The following DNAJC17 variants were observed in gnomAD, a reference collection of about 807,000 sequenced individuals.
DNAJC17 encodes DnaJ heat shock protein family (Hsp40) member C17, also known as dnaJ homolog subfamily C member 17.
In DNAJC17, 35 loss-of-function variants were observed where a neutral mutation model predicts 48.1. The observed-to-expected ratio is 0.73, with a 90% CI of 0.56 to 0.96. The LOEUF (loss-of-function observed/expected upper bound fraction) is 0.96, where lower values mean the gene tolerates loss of function less well. DNAJC17 is among the 50% of genes least tolerant of loss of function. The pLI is 0.00. For synonymous variants in DNAJC17, 117 were observed against 142.7 expected, an observed-to-expected ratio of 0.82 and a Z score of 1.28; for missense variants, 355 against 377.1, an observed-to-expected ratio of 0.94 and a Z score of 0.48.
intron 1 of DNAJC17, chr15:40,807,005 A>T (rs1354372235): frequency 1.9e-6 from 1 of 515,386 alleles, no homozygotes; most frequent in Non-Finnish European, 3.5e-6. Flanking sequence ...CCTGCAGAAG[A>T]GACTGAAATG....
chr15:40,799,138 T>C (rs1890011062), intron 1 of DNAJC17, among the ~76,000 whole-genome samples: 1 of 142,934 alleles, frequency 7.0e-6, no homozygotes, highest in Non-Finnish European at 1.5e-5. Context: ...GGCAGGAGAA[T>C]GGTGTGAACC....
intron 1 of DNAJC17, among the ~76,000 whole-genome samples, chr15:40,787,981 C>T (rs182076619): frequency 3.3e-5 from 5 of 152,154 alleles, no homozygotes; most frequent in African/African-American, 4.8e-5. Context: ...GTAAAGAGGC[C>T]GAGGCTGATA....
At chr15:40,772,804 C>G (rs1414014476) in intron 10 of DNAJC17, among the ~76,000 whole-genome samples, 1 of 152,206 alleles carries the variant, frequency 6.6e-6, no homozygotes, top group African/African-American at 2.4e-5. Context: ...AGGAGCCCCA[C>G]AGCCCTAGCC....
intron 1 of DNAJC17, chr15:40,806,948 TCTTA>T (rs775812561): frequency 3.3e-4 from 103 of 309,604 alleles, no homozygotes; most frequent in South Asian, 9.0e-4. Context: ...GGCTTTGAGA[TCTTA>T]CTTTTCTTTC....
rs869145933 is a variant in DNAJC17 at position 40,797,417 on chromosome 15, C to CT, written c.78+9951dup. ...AGTAGGGACTCAAACAGATTTCTTTCTTTTTTTTTTTTTGAGATGGAGTTT... is the reference window on the plus strand; with the variant it reads ...AGTAGGGACTCAAACAGATTTCTTTCTTTTTTTTTTTTTTGAGATGGAGTTT... On this transcript the variant is annotated intron_variant, in intron 1 of 10. Coordinates refer to ENST00000220496, the MANE Select transcript of DNAJC17 (RefSeq NM_018163.3). 2.9e-3 allele frequency among the ~76,000 whole-genome samples: 419 copies of CT among 143,660 alleles called. 1 individual carries two copies. The highest frequency in any genetic ancestry group is 6.9e-3 in the South Asian group (31 of 4,502). The allele number at this position is 143,660 out of a possible 152,430, so 94.2% of individuals were successfully genotyped here.
At chr15:40,785,725 T>C (rs1372223698) in intron 1 of DNAJC17, among the ~76,000 whole-genome samples, 1 of 152,172 alleles carries the variant, frequency 6.6e-6, no homozygotes, top group Non-Finnish European at 1.5e-5. Flanking sequence ...TGGACAGGGC[T>C]GGATTTGAGT....
At chr15:40,777,803 A>T (rs187103152) in intron 4 of DNAJC17, among the ~76,000 whole-genome samples, 1 of 152,152 alleles carries the variant, frequency 6.6e-6, no homozygotes, top group East Asian at 1.9e-4. Flanking sequence ...GCTTGCAGCA[A>T]TCTTATTGGG....
In DNAJC17 at chr15:40,774,394, C is replaced by T. The variant is rs769697281; in HGVS notation, c.643G>A (p.Gly215Ser). The change falls in exon 9 of 11, where the codon GGC becomes AGC. Residue 215 changes from glycine to serine, a missense_variant. Around this residue, in one of 3 missense-constraint regions of DNAJC17, gnomAD observed 68 missense variants for 109.5 expected, o/e 0.62. Transcript: ENST00000220496. ...LNLVLSSKKP[G>S]TAVVEFATVK... ...GTTGCAAACTCCACCACAGCAGTGC[C>T]TGGCTTCTTACTGGAAAGCACCAGG... 15 of 1,614,096 alleles carry T rather than the reference C, an allele frequency of 9.3e-6. No homozygotes were observed. In the South Asian group the frequency reaches 1.6e-4, roughly 18 times the overall value.
intron 10 of DNAJC17, chr15:40,772,556 T>C (rs1889180387): frequency 6.4e-6 from 1 of 156,154 alleles, no homozygotes; most frequent in African/African-American, 2.4e-5. Flanking sequence ...TTTCCCTCCA[T>C]CCAGGATCTG....
At chr15:40,781,877 A>G (rs1163946355) in intron 1 of DNAJC17, among the ~76,000 whole-genome samples, 1 of 151,742 alleles carries the variant, frequency 6.6e-6, no homozygotes, top group East Asian at 1.9e-4. Flanking sequence ...AGCCGAGATC[A>G]CACCATTGCA....
intron 1 of DNAJC17, among the ~76,000 whole-genome samples, chr15:40,781,345 C>T (rs2412553): frequency 0.43 from 64,016 of 150,074 alleles, 14,104 homozygotes; most frequent in Middle Eastern, 0.57. Context: ...ATTAAAAATA[C>T]AAAAATTAGC....
At position 40,776,788 on chromosome 15, in the gene DNAJC17, AT is replaced by A. The variant is rs1889339879; in HGVS notation, c.296-162del. ...TGCCCACGCCCCCGAGTCAATTTCC[AT>A]TGAGAAAAATCACAGCACAGAAGTA... On this transcript the variant is annotated intron_variant, in intron 4 of 10. Transcript: ENST00000220496. The A allele has an allele frequency of 4.3e-5, 28 of 652,566 alleles. No individual in the cohort carries two copies. The South Asian group carries it at 4.6e-4, about 11-fold the overall frequency. The allele number at this position is 652,566 out of a possible 1,614,324, so 40.4% of individuals were successfully genotyped here. A position where few individuals can be genotyped will look rare whatever the true frequency, so the allele number is the denominator to read the frequency against.
intron 1 of DNAJC17, among the ~76,000 whole-genome samples, chr15:40,790,671 C>A (rs1387064727): frequency 6.6e-6 from 1 of 152,206 alleles, no homozygotes; most frequent in Admixed American, 6.5e-5. Context: ...TTTGTTTCCA[C>A]ATCTAGGAAT....
chr15:40,797,361 C>T (rs914474922), intron 1 of DNAJC17, among the ~76,000 whole-genome samples: 1 of 151,994 alleles, frequency 6.6e-6, no homozygotes, highest in Non-Finnish European at 1.5e-5. Flanking sequence ...TAGAGCGAGA[C>T]CCTGTTTCAT....
intron 1 of DNAJC17, among the ~76,000 whole-genome samples, chr15:40,789,830 C>T (rs1180774487): frequency 1.5e-5 from 2 of 135,500 alleles, no homozygotes; most frequent in African/African-American, 5.6e-5. Flanking sequence ...GGCGTGAACC[C>T]GGGAGGCGCA....
intron 10 of DNAJC17, among the ~76,000 whole-genome samples, 173 bp downstream of exon 10, chr15:40,773,552 CAG>C (rs1889220186): frequency 6.6e-6 from 1 of 152,146 alleles, no homozygotes; most frequent in South Asian, 2.1e-4. Context: ...CTCTGGCCCT[CAG>C]AGAGGAAAAG....
intron 1 of DNAJC17, among the ~76,000 whole-genome samples, chr15:40,797,778 G>C (rs1408230858): frequency 7.7e-6 from 1 of 129,880 alleles, no homozygotes; most frequent in Non-Finnish European, 1.6e-5. Flanking sequence ...CTGGAGGGCA[G>C]TAGCACAATC....
intron 10 of DNAJC17, among the ~76,000 whole-genome samples, chr15:40,772,861 G>A (rs1465395693): frequency 6.6e-6 from 1 of 152,212 alleles, no homozygotes; most frequent in African/African-American, 2.4e-5. Context: ...GCAGGTTGGG[G>A]GTTACACACA....
In DNAJC17 at chr15:40,780,005, A is replaced by G; in HGVS notation, c.79-8T>C. The G allele has an allele frequency of 6.2e-7, 1 of 1,613,822 alleles. No homozygotes were observed. Among genetic ancestry groups the G allele is most frequent in the Non-Finnish European group, 8.5e-7 (1 of 1,179,910 alleles). ...CCTATACGCCTTCTTTACCTGGAAG[A>G]GTCAGACAGAAGACATGGCCATTCA... is the stretch of plus-strand genomic sequence containing the variant. On this transcript the variant is annotated splice_polypyrimidine_tract_variant and splice_region_variant and intron_variant, in intron 1 of 10. Transcript: ENST00000220496.
Sources: allele counts gnomAD v4.1 joint callset (sites outside exome capture counted in the v4.1 genomes callset), GRCh38; gene constraint gnomAD v4.1.1; regional missense constraint gnomAD v4.1.1; transcripts MANE v1.5; gene names NCBI Gene and HGNC (gene_info 2026-07-23, HGNC 2026-07-21).